Variants in MYO5B observed in about 807,000 individuals in gnomAD.
MYO5B encodes unconventional myosin-Vb.
Under a neutral mutation model 229.3 loss-of-function variants are expected in MYO5B, and 143 were observed. That is an observed-to-expected ratio of 0.62 (90% CI 0.54 to 0.72). The LOEUF is 0.72. Among genes scored for constraint, MYO5B ranks in the 30% least tolerant of loss-of-function variants. The pLI is 0.00. For synonymous variants in MYO5B, 918 were observed against 885.2 expected (o/e 1.04, Z -0.66); for missense variants, 2,321 against 2,331.0 (o/e 1.00, Z 0.09).
In MYO5B at chr18:49,948,086, C is replaced by T. The variant is rs2025394286; in HGVS notation, c.1752+5174G>A. On this transcript the variant is annotated intron_variant, in intron 14 of 39. Transcript: ENST00000285039. ...TAATAATAAAATAAAAAGTCAATTA[C>T]AGCTGACACATAGCTGTTACCTTGG... 1.3e-5 allele frequency among the ~76,000 whole-genome samples: 2 copies of T among 149,242 alleles called. 1 individual carries two copies. The highest frequency in any genetic ancestry group is 4.2e-4 in the South Asian group (2 of 4,712).
chr18:49,947,817 T>C (rs1192272883), intron 14 of MYO5B, among the ~76,000 whole-genome samples: 1 of 152,204 alleles, frequency 6.6e-6, no homozygotes, highest in Non-Finnish European at 1.5e-5. Flanking sequence ...ATATAGCTTT[T>C]AAAAGCCTGG....
chr18:50,054,454 C>A (rs188464003), intron 2 of MYO5B, among the ~76,000 whole-genome samples: 105 of 152,334 alleles, frequency 6.9e-4, no homozygotes, highest in African/African-American at 2.4e-3. Context: ...CACTGCCCCC[C>A]TTTAGCACTG....
At position 49,835,351 on chromosome 18, in the gene MYO5B, G is replaced by A. The variant is rs371592622; in HGVS notation, c.5387C>T (p.Thr1796Ile). Residue 1796 changes from threonine to isoleucine, a missense_variant, in exon 39 of 40, where the codon ACA (threonine) becomes ATA (isoleucine). Thr to Ile is a moderately conservative substitution (Grantham distance 89). Around this residue, in one of 2 missense-constraint regions of MYO5B, gnomAD observed 208 missense variants for 286.3 expected, o/e 0.73. Coordinates refer to ENST00000285039, the MANE Select transcript of MYO5B (RefSeq NM_001080467.3). Reference protein sequence around the residue: ...EERVTVAFIRTIQAQLQERND... With the variant: ...EERVTVAFIRIIQAQLQERND... ...TACTATCTTAAAACTCACCTGGATT[G>A]TTCGTATAAAGGCCACTGTTACCCG... 1.3e-5 allele frequency: 21 copies of A among 1,607,118 alleles called. No homozygotes were observed. The highest frequency in any genetic ancestry group is 1.8e-5 in the Non-Finnish European group (21 of 1,175,442).
intron 4 of MYO5B, among the ~76,000 whole-genome samples, chr18:50,036,048 A>C (rs898314666): frequency 2.0e-5 from 3 of 152,120 alleles, no homozygotes; most frequent in African/African-American, 7.2e-5. Flanking sequence ...CCTTTTACTA[A>C]ATTAATCTAA....
At chr18:49,886,129 G>A (rs547388333) in intron 22 of MYO5B, among the ~76,000 whole-genome samples, 2 of 152,048 alleles carry the variant, frequency 1.3e-5, no homozygotes, top group East Asian at 1.9e-4. Context: ...TAGTATAGAC[G>A]GGGTTTTGCC....
chr18:49,986,139 C>A (rs1568059576), intron 7 of MYO5B, among the ~76,000 whole-genome samples: 1 of 152,104 alleles, frequency 6.6e-6, no homozygotes, highest in South Asian at 2.1e-4. Flanking sequence ...CACCACATAC[C>A]CTCCAGACTC....
intron 21 of MYO5B, among the ~76,000 whole-genome samples, chr18:49,898,481 G>C (rs2024805370): frequency 6.6e-6 from 1 of 152,224 alleles, no homozygotes; most frequent in Non-Finnish European, 1.5e-5. Context: ...GGCTGGCAGA[G>C]AGCCGAGTTC....
At chr18:49,915,531 G>A (rs1231533519) in intron 17 of MYO5B, among the ~76,000 whole-genome samples, 1 of 152,244 alleles carries the variant, frequency 6.6e-6, no homozygotes, top group Non-Finnish European at 1.5e-5. Flanking sequence ...CTGGGAAAGG[G>A]TTGCTCTGCC....
intron 1 of MYO5B, among the ~76,000 whole-genome samples, chr18:50,159,781 T>C (rs2144317390): frequency 6.6e-6 from 1 of 152,284 alleles, no homozygotes; most frequent in South Asian, 2.1e-4. Context: ...CGTTCCACTG[T>C]TTAGTCTCCT....
chr18:50,011,438 C>G (rs925550567), intron 4 of MYO5B, among the ~76,000 whole-genome samples: 4 of 152,188 alleles, frequency 2.6e-5, no homozygotes, highest in Admixed American at 6.5e-5. Flanking sequence ...GATACTTCCT[C>G]TGAGAGCCAA....
chr18:50,075,665 G>C (rs1234637188), intron 1 of MYO5B, among the ~76,000 whole-genome samples: 1 of 152,124 alleles, frequency 6.6e-6, no homozygotes, highest in Non-Finnish European at 1.5e-5. Context: ...CAGGCTTTAG[G>C]CTTCTAGATT....
At chr18:50,182,843 G>T (rs945857076) in intron 1 of MYO5B, among the ~76,000 whole-genome samples, 4 of 152,120 alleles carry the variant, frequency 2.6e-5, no homozygotes, top group African/African-American at 7.2e-5. Flanking sequence ...GCTGTGGGGG[G>T]TTGGGGGGTT....
chr18:50,031,553 T>C (rs74829305), intron 4 of MYO5B, among the ~76,000 whole-genome samples: 9,965 of 152,252 alleles, frequency 0.065, 493 homozygotes, highest in African/African-American at 0.14. Context: ...CATAACACTG[T>C]GCCACAAAGT....
At chr18:50,145,550 A>G (rs2032488833) in intron 1 of MYO5B, among the ~76,000 whole-genome samples, 2 of 148,310 alleles carry the variant, frequency 1.3e-5, no homozygotes, top group Admixed American at 6.7e-5. Context: ...TTCTCTCAGG[A>G]GCATCCCCAA....
chr18:49,933,826 A>C (rs2025220305), intron 16 of MYO5B, among the ~76,000 whole-genome samples: 1 of 152,168 alleles, frequency 6.6e-6, no homozygotes, highest in Non-Finnish European at 1.5e-5. Flanking sequence ...TAATCACATA[A>C]ATTTTTATAC....
At chr18:50,046,181 G>T (rs991940630) in intron 2 of MYO5B, among the ~76,000 whole-genome samples, 1 of 152,186 alleles carries the variant, frequency 6.6e-6, no homozygotes, top group African/African-American at 2.4e-5. Flanking sequence ...CCGAATAGGA[G>T]TCAACCCCTG....
rs144516660 is a variant in MYO5B at position 49,930,238 on chromosome 18, G to A, written c.2004-640C>T. Reference sequence around the variant, plus strand: ...CAGGTGGAACCATGCCTAGCACTGCGTAGGGCACATACGTTGTGTATGCTG... The same window carrying A: ...CAGGTGGAACCATGCCTAGCACTGCATAGGGCACATACGTTGTGTATGCTG... On this transcript the variant is annotated intron_variant, in intron 16 of 39. Coordinates refer to ENST00000285039, the MANE Select transcript of MYO5B (RefSeq NM_001080467.3). Among the ~76,000 whole-genome samples the A allele has an allele frequency of 5.9e-5, 9 of 152,306 alleles. No individual in the cohort carries two copies. The South Asian group carries it at 1.2e-3, about 21-fold the overall frequency.
intron 34 of MYO5B, among the ~76,000 whole-genome samples, chr18:49,842,098 A>G (rs1396377200): frequency 2.4e-4 from 37 of 151,944 alleles, no homozygotes; most frequent in Admixed American, 2.4e-3. Context: ...ACCAAAAGAA[A>G]AAAAAAAAAA....
chr18:50,066,862 TG>T (rs1334623577), intron 1 of MYO5B, among the ~76,000 whole-genome samples: 1 of 152,224 alleles, frequency 6.6e-6, no homozygotes, highest in African/African-American at 2.4e-5. Flanking sequence ...CTCTATCTAG[TG>T]TTAATATCAA....
Sources: allele counts gnomAD v4.1 joint callset (sites outside exome capture counted in the v4.1 genomes callset), GRCh38; gene constraint gnomAD v4.1.1; regional missense constraint gnomAD v4.1.1; transcripts MANE v1.5; gene names NCBI Gene and HGNC (gene_info 2026-07-23, HGNC 2026-07-21).